SND1: variants seen among roughly 807,000 people sequenced by gnomAD.
SND1 encodes the protein staphylococcal nuclease domain-containing protein 1.
In SND1, 38 loss-of-function variants were observed where a neutral mutation model predicts 121.7. The observed-to-expected ratio is 0.31, with a 90% CI of 0.24 to 0.41. The LOEUF (loss-of-function observed/expected upper bound fraction) is 0.41, where lower values mean the gene tolerates loss of function less well. SND1 is among the 10% of genes least tolerant of loss of function. The pLI, the probability that SND1 is intolerant of heterozygous loss-of-function variation, is 1.00. For synonymous variants in SND1, 401 were observed against 447.4 expected (o/e 0.90, Z 1.31); for missense variants, 868 against 1,184.6 (o/e 0.73, Z 3.92).
At chr7:127,826,153 C>T (rs1344102256) in intron 11 of SND1, among the ~76,000 whole-genome samples, 1 of 152,122 alleles carries the variant, frequency 6.6e-6, no homozygotes, top group Non-Finnish European at 1.5e-5. Context: ...ATTGCGCCAC[C>T]ACACTCCAGC....
chr7:127,904,415 G>T, intron 13 of SND1: 1 of 180,390 alleles, frequency 5.5e-6, no homozygotes, highest in Non-Finnish European at 1.2e-5. Flanking sequence ...CTGTTTCTTA[G>T]GCCTGTGCTC....
intron 10 of SND1, among the ~76,000 whole-genome samples, chr7:127,758,787 C>G (rs1797244600): frequency 6.6e-6 from 1 of 152,052 alleles, no homozygotes; most frequent in African/African-American, 2.4e-5. Context: ...GGCACGGTGG[C>G]TCATGCCTGT....
chr7:127,714,751 G>T (rs1587615047), intron 9 of SND1, among the ~76,000 whole-genome samples: 1 of 152,184 alleles, frequency 6.6e-6, no homozygotes, highest in Non-Finnish European at 1.5e-5. Context: ...GACAGTCTGT[G>T]TCTTTGTGAC....
intron 10 of SND1, among the ~76,000 whole-genome samples, chr7:127,806,086 A>G (rs1434144497): frequency 1.3e-5 from 2 of 152,174 alleles, no homozygotes; most frequent in South Asian, 4.1e-4. Flanking sequence ...AGAAAAACAA[A>G]TGGGTCTTTT....
intron 17 of SND1, among the ~76,000 whole-genome samples, chr7:128,080,319 G>A (rs1166868448): frequency 5.3e-5 from 8 of 152,216 alleles, no homozygotes; most frequent in Admixed American, 3.9e-4. Flanking sequence ...GACTTGACAC[G>A]CTGTCGCGTC....
At chr7:127,749,044 T>TG (rs1491099615) in intron 10 of SND1, among the ~76,000 whole-genome samples, 2 of 18,214 alleles carry the variant, frequency 1.1e-4, no homozygotes, top group Admixed American at 4.4e-4. Context: ...TTTTCTTTCG[T>TG]TTTTTTTTTT....
Position 127,820,404 on chromosome 7 carries a change from G to A in SND1, c.1242+12831G>A, listed in dbSNP as rs549739691. On this transcript the variant is annotated intron_variant, in intron 11 of 23. Transcript: ENST00000354725. ...GAGTTTGCTTGCTGTCGGCAGTTTG[G>A]AAGCAAAGCAGCATGTAGTTTGAAC... Among the ~76,000 whole-genome samples the A allele has an allele frequency of 3.5e-4, 53 of 152,284 alleles. 1 individual carries two copies. In the South Asian group the frequency reaches 9.3e-3, roughly 27 times the overall value.
chr7:128,082,699 T>C (rs1793626243), intron 18 of SND1, among the ~76,000 whole-genome samples: 1 of 152,066 alleles, frequency 6.6e-6, no homozygotes, highest in Admixed American at 6.6e-5. Context: ...GGAAGGAGTC[T>C]TGTAGTGGTG....
chr7:128,088,601 C>T (rs1793725545), intron 21 of SND1, among the ~76,000 whole-genome samples: 1 of 151,634 alleles, frequency 6.6e-6, no homozygotes, highest in Non-Finnish European at 1.5e-5. Context: ...TATAAGTGCC[C>T]GCCACCACGC....
rs375548369 is a variant in SND1 at position 127,744,019 on chromosome 7, A to G, written c.1152+22619A>G. Among the ~76,000 whole-genome samples, 39 of 152,288 alleles carry G rather than the reference A, an allele frequency of 2.6e-4. No homozygotes were observed. In the South Asian group the frequency reaches 6.0e-3, roughly 24 times the overall value. On this transcript the variant is annotated intron_variant, in intron 10 of 23. Transcript: ENST00000354725. ...CTAATGAAGAACCTAGAGTTGCTGT[A>G]AAAATCTCTTTTAAATTGTTTGTAT...
chr7:127,787,992 A>G (rs926177272), intron 10 of SND1, among the ~76,000 whole-genome samples: 10 of 152,202 alleles, frequency 6.6e-5, no homozygotes, highest in Non-Finnish European at 1.5e-4. Context: ...GAATGCATAT[A>G]TTCTCACTAG....
At position 127,929,206 on chromosome 7, in the gene SND1, C is replaced by G; in HGVS notation, c.1546C>G (p.Gln516Glu). ...DISGDTQKAK[Q>E]FLPFLQRAGR... ...CCATCAGGATACCCAAAAAGCAAAG[C>G]AGTTCCTGCCTTTTCTTCAGCGGGC... The change falls in exon 15 of 24, where the codon CAG (glutamine) becomes GAG (glutamate). Residue 516 changes from glutamine to glutamate, a missense_variant. By Grantham distance (29) the Gln-to-Glu change is conservative (BLOSUM62 2). Around this residue, in one of 2 missense-constraint regions of SND1, gnomAD observed 743 missense variants for 1,071.3 expected, o/e 0.69. Coordinates refer to ENST00000354725, the MANE Select transcript of SND1 (RefSeq NM_014390.4). The G allele has an allele frequency of 1.2e-6, 2 of 1,614,110 alleles. No individual in the cohort carries two copies. Among genetic ancestry groups the G allele is most frequent in the Non-Finnish European group, 1.7e-6 (2 of 1,179,960 alleles).
intron 10 of SND1, among the ~76,000 whole-genome samples, chr7:127,782,047 C>G (rs1797733733): frequency 6.6e-6 from 1 of 152,152 alleles, no homozygotes; most frequent in Non-Finnish European, 1.5e-5. Context: ...ATATCTGATC[C>G]TAGTTAGGTT....
At chr7:127,886,307 T>TAA (rs201061270) in intron 12 of SND1, among the ~76,000 whole-genome samples, 1 of 144,198 alleles carries the variant, frequency 6.9e-6, no homozygotes, top group African/African-American at 2.5e-5. Context: ...TTTTCTTCTT[T>TAA]AAAAAAAAAA....
chr7:128,037,340 T>A (rs1379033600), intron 16 of SND1, among the ~76,000 whole-genome samples: 1 of 152,212 alleles, frequency 6.6e-6, no homozygotes, highest in Non-Finnish European at 1.5e-5. Flanking sequence ...CTTTTCTGTC[T>A]GCCTCTCTCC....
intron 1 of SND1, among the ~76,000 whole-genome samples, chr7:127,659,645 G>T (rs917603615): frequency 2.6e-5 from 4 of 152,194 alleles, no homozygotes; most frequent in Admixed American, 1.3e-4. Context: ...GAATAAAGGA[G>T]ATTTAAAGAA....
chr7:128,046,308 A>T (rs1273119426), intron 16 of SND1, among the ~76,000 whole-genome samples: 4 of 144,232 alleles, frequency 2.8e-5, no homozygotes, highest in African/African-American at 1.0e-4. Flanking sequence ...TATGTTGCCC[A>T]TGCTGGGTTT....
chr7:127,703,118 C>T, intron 6 of SND1, 47 bp from the exon 7 acceptor site: 1 of 1,609,120 alleles, frequency 6.2e-7, no homozygotes, highest in Non-Finnish European at 8.5e-7. Context: ...GAGTGCCTAG[C>T]ACTCACATTT....
intron 15 of SND1, 103 bp from the exon 16 acceptor site, chr7:127,990,844 A>G: frequency 1.4e-6 from 1 of 702,186 alleles, no homozygotes; most frequent in Non-Finnish European, 2.4e-6. Flanking sequence ...TGGAAGTTAG[A>G]TGTAACGCCT....
Sources: gnomAD v4.1 joint callset for allele counts (sites outside exome capture counted in the v4.1 genomes callset) on GRCh38, gnomAD v4.1.1 for gene constraint, gnomAD v4.1.1 regional missense constraint, MANE v1.5 for transcripts, NCBI Gene and HGNC (gene_info 2026-07-23, HGNC 2026-07-21) for gene names.